Variants in FBXO31 observed in about 807,000 individuals in gnomAD.
The protein encoded by FBXO31 is F-box protein 31.
Under a neutral mutation model 54.4 loss-of-function variants are expected in FBXO31, and 24 were observed. That is an observed-to-expected ratio of 0.44 (90% CI 0.32 to 0.62). The LOEUF (loss-of-function observed/expected upper bound fraction) is 0.62, where lower values mean the gene tolerates loss of function less well. FBXO31 is among the 20% of genes least tolerant of loss of function. The pLI is 0.05. For missense variants in FBXO31, 665 were observed against 787.1 expected, an observed-to-expected ratio of 0.84 and a Z score of 1.86; for synonymous variants, 388 against 335.6, an observed-to-expected ratio of 1.16 and a Z score of -1.71.
chr16:87,388,577 T>C (rs1041888377), upstream of FBXO31: 1 of 152,204 alleles, frequency 6.6e-6, no homozygotes, highest in African/African-American at 2.4e-5. Flanking sequence ...GCCGTCCATA[T>C]TGAGTGTGGC....
intron 5 of FBXO31, among the ~76,000 whole-genome samples, chr16:87,339,363 A>C (rs146721139): frequency 8.5e-5 from 13 of 152,316 alleles, no homozygotes; most frequent in Admixed American, 4.6e-4. Flanking sequence ...TGATGCATGA[A>C]TCCACAGACA....
intron 1 of FBXO31, among the ~76,000 whole-genome samples, chr16:87,377,964 C>G (rs911359840): frequency 3.3e-5 from 5 of 151,950 alleles, no homozygotes; most frequent in Admixed American, 6.6e-5. Flanking sequence ...TCGAGACCAG[C>G]CTGACCAACC....
At chr16:87,384,653 T>G (rs1382040706), upstream of FBXO31, among the ~76,000 whole-genome samples, 1 of 152,204 alleles carries the variant, frequency 6.6e-6, no homozygotes, top group Non-Finnish European at 1.5e-5. Flanking sequence ...TCGGACCCCA[T>G]CTCTTGGAGG....
At chr16:87,385,448 ACT>A (rs1252851815), upstream of FBXO31, among the ~76,000 whole-genome samples, 2 of 139,658 alleles carry the variant, frequency 1.4e-5, no homozygotes, top group African/African-American at 2.5e-5. Context: ...ACAGAGCAAG[ACT>A]CTGTCTCAAA....
At chr16:87,353,640 C>T (rs764702682) in intron 2 of FBXO31, among the ~76,000 whole-genome samples, 5 of 152,056 alleles carry the variant, frequency 3.3e-5, no homozygotes, top group African/African-American at 7.3e-5. Context: ...AGCAGGGCCC[C>T]GGACACCGTG....
chr16:87,379,857 G>C (rs1166611835), intron 1 of FBXO31, among the ~76,000 whole-genome samples: 1 of 151,766 alleles, frequency 6.6e-6, no homozygotes, highest in Non-Finnish European at 1.5e-5. Flanking sequence ...CAAAGTGCTG[G>C]AATTACAGGT....
At chr16:87,377,828 CA>C (rs1257957419) in intron 1 of FBXO31, among the ~76,000 whole-genome samples, 179 of 127,102 alleles carry the variant, frequency 1.4e-3, no homozygotes, top group Admixed American at 1.5e-3. Flanking sequence ...GACCCAGTCT[CA>C]AAAAAAAAAA....
At chr16:87,373,682 A>G (rs1906702433) in intron 1 of FBXO31, among the ~76,000 whole-genome samples, 1 of 152,000 alleles carries the variant, frequency 6.6e-6, no homozygotes, top group African/African-American at 2.4e-5. Flanking sequence ...ACAGGTGTGC[A>G]CCACCACACC....
chr16:87,358,433 C>G lies in FBXO31; in HGVS notation c.412+1862G>C, dbSNP rs138248610. ...TACGGCAGGTGTAAACGTCTCTGTA[C>G]GCCATGTGCTCATAATCAGGGAGAA... On this transcript the variant is annotated intron_variant, in intron 2 of 8. Coordinates refer to ENST00000311635, the MANE Select transcript of FBXO31 (RefSeq NM_024735.5). The surrounding 1 kb of genome is among the most constrained non-coding windows in gnomAD (Gnocchi z 4.0). The G allele has an allele frequency of 6.6e-6, 1 of 152,646 alleles. No homozygotes were observed. Among genetic ancestry groups the G allele is most frequent in the African/African-American group, 2.4e-5 (1 of 41,442 alleles). 9.5% of individuals were successfully genotyped at this position (152,646 alleles called of 1,614,324 possible).
At chr16:87,371,498 G>A (rs989137957) in intron 1 of FBXO31, among the ~76,000 whole-genome samples, 4 of 152,224 alleles carry the variant, frequency 2.6e-5, no homozygotes, top group East Asian at 3.8e-4. Flanking sequence ...TTTCAAATGC[G>A]TCCTCTTCCT....
chr16:87,343,570 G>A, intron 4 of FBXO31, 28 bp downstream of exon 4: 1 of 1,569,860 alleles, frequency 6.4e-7, no homozygotes, highest in Non-Finnish European at 8.6e-7. Context: ...CTGGGACAGT[G>A]AGGACCCAGC....
At chr16:87,355,830 C>T (rs1905867528) in intron 2 of FBXO31, among the ~76,000 whole-genome samples, 1 of 152,156 alleles carries the variant, frequency 6.6e-6, no homozygotes, top group Admixed American at 6.6e-5. Context: ...AGGAATGTCC[C>T]CTGCCCCCAG....
rs1905415417 is a variant in FBXO31 at position 87,346,935 on chromosome 16, C to A, written c.489+239G>T. The stretch of plus-strand genomic sequence containing the variant: ...AGCAAAGGCCCTCACAAGCCACCCC[C>A]TCAGACCAGAGAGTCCAAGGACGGG... On this transcript the variant is annotated intron_variant, in intron 3 of 8. Transcript: ENST00000311635. This position sits in a 1 kb window ranked among gnomAD's most constrained non-coding sequence, Gnocchi z 4.2. Among the ~76,000 whole-genome samples the A allele has an allele frequency of 6.6e-6, 1 of 152,264 alleles. No homozygotes were observed. The highest frequency in any genetic ancestry group is 2.4e-5 in the African/African-American group (1 of 41,478).
intron 2 of FBXO31, 103 bp downstream of exon 2, chr16:87,360,192 A>G: frequency 8.9e-7 from 1 of 1,129,450 alleles, no homozygotes; most frequent in Non-Finnish European, 1.3e-6. Flanking sequence ...TGTCTGAGAA[A>G]ACAAAAGTGT....
intron 1 of FBXO31, among the ~76,000 whole-genome samples, chr16:87,370,614 G>A (rs929325367): frequency 7.9e-5 from 12 of 152,172 alleles, no homozygotes; most frequent in African/African-American, 2.7e-4. Flanking sequence ...GTGACCCTGG[G>A]CATGCAGGCA....
At chr16:87,342,738 C>G (rs1597362208) in intron 5 of FBXO31, 139 bp downstream of exon 5, 1 of 693,444 alleles carries the variant, frequency 1.4e-6, no homozygotes, top group Non-Finnish European at 2.3e-6. Flanking sequence ...TCTGCACTGA[C>G]AATACCGGCT....
chr16:87,335,220 G>T lies in FBXO31; in HGVS notation c.996+84C>A. The T allele has an allele frequency of 1.3e-6, 2 of 1,582,216 alleles. No homozygotes were observed. Among genetic ancestry groups the T allele is most frequent in the Non-Finnish European group, 1.7e-6 (2 of 1,163,720 alleles). ...TGAGGAGCAAGGGTGCCGGGGATCA[G>T]TGTCTGCCCAAGTTCCCTGACTCCA... On this transcript the variant is annotated intron_variant, in intron 7 of 8. Coordinates refer to ENST00000311635, the MANE Select transcript of FBXO31 (RefSeq NM_024735.5). The surrounding 1 kb of genome is among the most constrained non-coding windows in gnomAD (Gnocchi z 5.7).
In FBXO31 at chr16:87,346,764, C is replaced by T. The variant is rs12922447; in HGVS notation, c.489+410G>A. On this transcript the variant is annotated intron_variant, in intron 3 of 8. Coordinates refer to ENST00000311635, the MANE Select transcript of FBXO31 (RefSeq NM_024735.5). The surrounding 1 kb of genome is among the most constrained non-coding windows in gnomAD (Gnocchi z 4.2). ...GGGGCGGGAGGCAGGGTGGTCAGAGCGGGTCCACAGCAGAACCCAAGGAAA... is the reference window on the plus strand; with the variant it reads ...GGGGCGGGAGGCAGGGTGGTCAGAGTGGGTCCACAGCAGAACCCAAGGAAA... Among the ~76,000 whole-genome samples, 1 of 152,112 alleles carries T rather than the reference C, an allele frequency of 6.6e-6. No homozygotes were observed. Among genetic ancestry groups the T allele is most frequent in the African/African-American group, 2.4e-5 (1 of 41,418 alleles).
At chr16:87,332,124 G>A (rs1904880459) in intron 8 of FBXO31, among the ~76,000 whole-genome samples, 1 of 152,236 alleles carries the variant, frequency 6.6e-6, no homozygotes, top group Non-Finnish European at 1.5e-5. Context: ...CACCCACTGA[G>A]GCTCCAAAGG....
Sources: gnomAD v4.1 joint callset for allele counts (sites outside exome capture counted in the v4.1 genomes callset) on GRCh38, gnomAD v4.1.1 for gene constraint, Gnocchi (gnomAD v3.1) non-coding constraint, MANE v1.5 for transcripts, NCBI Gene and HGNC (gene_info 2026-07-23, HGNC 2026-07-21) for gene names.